The following ARL15 variants were observed in gnomAD, a reference collection of about 807,000 sequenced individuals.
ARL15 encodes ADP-ribosylation factor-like protein 15.
ARL15 carries 19 observed loss-of-function variants against 25.2 expected under a neutral mutation model. That is an observed-to-expected ratio of 0.75 (90% CI 0.53 to 1.10). The LOEUF is 1.10. Among genes scored for constraint, ARL15 ranks in the 50% least tolerant of loss-of-function variants. ARL15 has a pLI of 0.00. For synonymous variants in ARL15, 94 were observed against 86.8 expected, an observed-to-expected ratio of 1.08 and a Z score of -0.46; for missense variants, 220 against 246.0, an observed-to-expected ratio of 0.89 and a Z score of 0.71.
chr5:53,923,185 T>C (rs1580083568), intron 4 of ARL15, among the ~76,000 whole-genome samples: 1 of 152,044 alleles, frequency 6.6e-6, no homozygotes, highest in East Asian at 1.9e-4. Context: ...ATGGCTGCCA[T>C]TGGTAAGGGT....
intron 4 of ARL15, among the ~76,000 whole-genome samples, chr5:53,984,811 C>T (rs1247375333): frequency 6.6e-6 from 1 of 152,024 alleles, no homozygotes; most frequent in Non-Finnish European, 1.5e-5. Flanking sequence ...CCCAACTTCC[C>T]CACTTATTTC....
intron 1 of ARL15, among the ~76,000 whole-genome samples, chr5:54,249,672 CAAAAAAAAAAA>C: frequency 1.4e-5 from 1 of 72,640 alleles, no homozygotes; most frequent in East Asian, 3.8e-4. Flanking sequence ...TGGTTAAGAG[CAAAAAAAAAAA>C]AAAAAAAAAC....
Position 53,947,280 on chromosome 5 carries a change from C to G in ARL15, c.463-60567G>C, listed in dbSNP as rs1221497970. On this transcript the variant is annotated intron_variant, in intron 4 of 4. Transcript: ENST00000504924. ...AAAATTCCCAGGTGAGGTTCCCTTC[C>G]CTGTCTGTGGATTAATAATGCCATG... Among the ~76,000 whole-genome samples, 3 of 145,608 alleles carry G rather than the reference C, an allele frequency of 2.1e-5. No homozygotes were observed. The South Asian group carries it at 6.7e-4, about 32-fold the overall frequency.
chr5:54,152,448 G>A (rs565709237), intron 3 of ARL15, among the ~76,000 whole-genome samples: 4 of 152,236 alleles, frequency 2.6e-5, no homozygotes, highest in Admixed American at 2.6e-4. Context: ...CTGTCAAGAA[G>A]TCAACTCCCT....
intron 4 of ARL15, among the ~76,000 whole-genome samples, chr5:53,964,596 G>A (rs370851224): frequency 3.2e-4 from 49 of 152,186 alleles, no homozygotes; most frequent in Non-Finnish European, 5.4e-4. Flanking sequence ...TCCTGACCTC[G>A]TGATCCGCCC....
In ARL15 at chr5:54,064,741, A is replaced by C. The variant is rs74763960; in HGVS notation, c.462+48461T>G. Reference sequence around the variant, plus strand: ...AAAAATCTAGTGAGTAAAAAAAAAAAAACATTTACTTAGAATAGTGCCTGG... The same window carrying C: ...AAAAATCTAGTGAGTAAAAAAAAAACAACATTTACTTAGAATAGTGCCTGG... On this transcript the variant is annotated intron_variant, in intron 4 of 4. Transcript: ENST00000504924. Among the ~76,000 whole-genome samples the C allele has an allele frequency of 1.3e-3, 191 of 152,298 alleles. 1 individual carries two copies. The highest frequency in any genetic ancestry group is 4.5e-3 in the African/African-American group (186 of 41,568).
chr5:54,229,371 T>C (rs1410268714), intron 1 of ARL15, among the ~76,000 whole-genome samples: 1 of 152,176 alleles, frequency 6.6e-6, no homozygotes. Context: ...CCCTGGTGGC[T>C]GGTGGGGTGA....
At chr5:54,222,966 C>A (rs35219985) in intron 1 of ARL15, among the ~76,000 whole-genome samples, 30,316 of 149,398 alleles carry the variant, frequency 0.2, 3,767 homozygotes, top group Middle Eastern at 0.31. Context: ...ACTACAGGCA[C>A]GCGTCACTAT....
At chr5:53,966,766 C>A (rs1398037183) in intron 4 of ARL15, among the ~76,000 whole-genome samples, 1 of 152,162 alleles carries the variant, frequency 6.6e-6, no homozygotes, top group Non-Finnish European at 1.5e-5. Context: ...GAGTTTTTCC[C>A]AAACAATAGC....
At chr5:53,922,282 T>G (rs1459543483) in intron 4 of ARL15, among the ~76,000 whole-genome samples, 3 of 152,230 alleles carry the variant, frequency 2.0e-5, no homozygotes, top group Admixed American at 6.5e-5. Flanking sequence ...CTGTGTTTAG[T>G]AACGAGGATA....
intron 4 of ARL15, among the ~76,000 whole-genome samples, chr5:54,039,716 C>T (rs1043947268): frequency 5.6e-5 from 8 of 143,678 alleles, no homozygotes; most frequent in African/African-American, 1.8e-4. Flanking sequence ...GCAGGAGAAT[C>T]GCTTGAACCC....
intron 4 of ARL15, among the ~76,000 whole-genome samples, chr5:53,892,798 A>C (rs1410915625): frequency 6.6e-6 from 1 of 151,740 alleles, no homozygotes; most frequent in Non-Finnish European, 1.5e-5. Context: ...TAGAGACATT[A>C]TCTCATTATT....
At chr5:54,304,485 AG>A (rs1324912100) in intron 1 of ARL15, among the ~76,000 whole-genome samples, 1 of 152,210 alleles carries the variant, frequency 6.6e-6, no homozygotes, top group Non-Finnish European at 1.5e-5. Flanking sequence ...TCAGAATGCA[AG>A]CCCCTGGAGG....
chr5:54,154,542 G>C, intron 3 of ARL15, 38 bp downstream of exon 3: 1 of 1,357,786 alleles, frequency 7.4e-7, no homozygotes. Flanking sequence ...ATTCATAAAA[G>C]TTAAGGGCAG....
intron 1 of ARL15, among the ~76,000 whole-genome samples, chr5:54,219,720 C>G (rs913430519): frequency 6.6e-6 from 1 of 152,110 alleles, no homozygotes; most frequent in Non-Finnish European, 1.5e-5. Flanking sequence ...AGAATGACAA[C>G]AGTAACTACC....
At chr5:54,149,075 A>G (rs1467809641) in intron 3 of ARL15, among the ~76,000 whole-genome samples, 1 of 152,262 alleles carries the variant, frequency 6.6e-6, no homozygotes, top group African/African-American at 2.4e-5. Context: ...ACATCACTGC[A>G]GTGTGGACAA....
At chr5:54,096,432 G>C (rs1395089641) in intron 4 of ARL15, among the ~76,000 whole-genome samples, 1 of 152,024 alleles carries the variant, frequency 6.6e-6, no homozygotes, top group Non-Finnish European at 1.5e-5. Context: ...TTATTTTTTA[G>C]AAACCAAGTC....
chr5:54,232,615 G>A (rs1756701439), intron 1 of ARL15, among the ~76,000 whole-genome samples: 1 of 152,118 alleles, frequency 6.6e-6, no homozygotes, highest in Non-Finnish European at 1.5e-5. Flanking sequence ...GGGCAGAGTG[G>A]GAAGGGCAGG....
At chr5:54,293,986 C>T (rs1758406411) in intron 1 of ARL15, among the ~76,000 whole-genome samples, 1 of 152,128 alleles carries the variant, frequency 6.6e-6, no homozygotes, top group African/African-American at 2.4e-5. Flanking sequence ...CCACCCACAC[C>T]CAGCTAATTT....
Sources: gnomAD v4.1 joint callset for allele counts (sites outside exome capture counted in the v4.1 genomes callset) on GRCh38, gnomAD v4.1.1 for gene constraint, MANE v1.5 for transcripts, NCBI Gene and HGNC (gene_info 2026-07-23, HGNC 2026-07-21) for gene names.